The following MECOM variants were observed in gnomAD, a reference collection of about 807,000 sequenced individuals.
MECOM encodes MDS1 and EVI1 complex locus.
A neutral mutation model predicts 116.3 loss-of-function variants in MECOM; 13 were observed. The ratio of observed to expected loss-of-function variants is 0.11; its 90% CI spans 0.07 to 0.18. The LOEUF is 0.18. Among genes scored for constraint, MECOM ranks in the 10% least tolerant of loss-of-function variants. The pLI is 1.00. For synonymous variants in MECOM, 528 were observed against 535.2 expected (o/e 0.99, Z 0.19); for missense variants, 1,299 against 1,509.0 (o/e 0.86, Z 2.31).
chr3:169,620,614 C>T (rs1770591007), intron 1 of MECOM, among the ~76,000 whole-genome samples: 1 of 152,186 alleles, frequency 6.6e-6, no homozygotes, highest in African/African-American at 2.4e-5. Flanking sequence ...CCAAGGTTGT[C>T]TCCATGGGCT....
intron 15 of MECOM, among the ~76,000 whole-genome samples, chr3:169,089,457 G>T (rs892431623): frequency 1.3e-5 from 2 of 152,104 alleles, no homozygotes; most frequent in African/African-American, 2.4e-5. Flanking sequence ...GGCAGAGACA[G>T]AATTCATATA....
chr3:169,482,623 C>G (rs1443053923), intron 1 of MECOM, among the ~76,000 whole-genome samples: 1 of 152,128 alleles, frequency 6.6e-6, no homozygotes, highest in South Asian at 2.1e-4. Context: ...CGTGAGCCAC[C>G]GCGCCCGGCA....
Position 169,090,020 on chromosome 3 carries a change from A to G in MECOM, c.3381T>C (p.Ser1127=). Residue 1127 remains serine, a synonymous_variant, in exon 15 of 17, where the codon AGT becomes AGC. Coordinates refer to ENST00000651503, the MANE Select transcript of MECOM (RefSeq NM_004991.4). ...DYEETSALEM[S]CKTSPVRYKE... is the part of the protein sequence containing the mutation. ...CTCACCTCACTGGGGATGTCTTGCA[A>G]CTCATCTCCAGGGCACTGGTTTCTT... The G allele has an allele frequency of 6.2e-7, 1 of 1,613,252 alleles. No homozygotes were observed. Among genetic ancestry groups the G allele is most frequent in the Non-Finnish European group, 8.5e-7 (1 of 1,179,516 alleles).
chr3:169,425,812 T>C (rs1740563965), intron 1 of MECOM, among the ~76,000 whole-genome samples: 1 of 152,156 alleles, frequency 6.6e-6, no homozygotes, highest in African/African-American at 2.4e-5. Flanking sequence ...TGGAATTCAG[T>C]GCAGCCATAT....
intron 2 of MECOM, among the ~76,000 whole-genome samples, chr3:169,335,895 T>G (rs1723516373): frequency 6.6e-6 from 1 of 152,150 alleles, no homozygotes; most frequent in Non-Finnish European, 1.5e-5. Flanking sequence ...TCATATTATC[T>G]TAATACATTT....
chr3:169,084,707 G>T lies in MECOM; in HGVS notation c.*202C>A. The stretch of plus-strand genomic sequence containing the variant: ...CCAGAAGTCAGCAGCTGCCTTTGCT[G>T]TGCAAAACAAAATATCGAGAATAAA... On this transcript the variant is annotated 3_prime_UTR_variant, in exon 17 of 17. Coordinates refer to ENST00000651503, the MANE Select transcript of MECOM (RefSeq NM_004991.4). The T allele has an allele frequency of 1.8e-6, 1 of 550,846 alleles. No individual in the cohort carries two copies. The highest frequency in any genetic ancestry group is 3.0e-6 in the Non-Finnish European group (1 of 334,838). The allele number at this position is 550,846 out of a possible 1,614,324, so 34.1% of individuals were successfully genotyped here. A position where few individuals can be genotyped will look rare whatever the true frequency, so the allele number is the denominator to read the frequency against.
chr3:169,321,396 T>C (rs1720828819), intron 2 of MECOM, among the ~76,000 whole-genome samples: 1 of 152,010 alleles, frequency 6.6e-6, no homozygotes, highest in African/African-American at 2.4e-5. Context: ...CAAAATTAGC[T>C]GGGCATGGTG....
intron 2 of MECOM, chr3:169,146,179 C>T: frequency 1.8e-6 from 2 of 1,084,476 alleles, no homozygotes; most frequent in Non-Finnish European, 2.3e-6. Flanking sequence ...TAGAGAAAGG[C>T]CCTTTCAAAA....
At chr3:169,472,013 A>G (rs1207754325) in intron 1 of MECOM, among the ~76,000 whole-genome samples, 5 of 152,150 alleles carry the variant, frequency 3.3e-5, no homozygotes, top group Non-Finnish European at 7.4e-5. Flanking sequence ...ATTCTAAAAT[A>G]TAACAAAATC....
At chr3:169,290,440 C>A (rs921917708) in intron 2 of MECOM, among the ~76,000 whole-genome samples, 1 of 151,780 alleles carries the variant, frequency 6.6e-6, no homozygotes, top group Non-Finnish European at 1.5e-5. Context: ...AACCTTTAAA[C>A]GTATATAGAA....
At chr3:169,268,360 C>T (rs990155478) in intron 2 of MECOM, among the ~76,000 whole-genome samples, 15 of 152,180 alleles carry the variant, frequency 9.9e-5, no homozygotes, top group African/African-American at 3.4e-4. Context: ...AGCTTTTTCT[C>T]ACAAGTATCT....
chr3:169,191,097 C>T (rs1032713805), intron 2 of MECOM, among the ~76,000 whole-genome samples: 1 of 151,982 alleles, frequency 6.6e-6, no homozygotes, highest in Non-Finnish European at 1.5e-5. Context: ...GGTAGCTGTG[C>T]TTTATCTGAA....
In MECOM at chr3:169,663,321, G is replaced by A; in HGVS notation, c.37+15C>T. 1.2e-6 allele frequency: 2 copies of A among 1,606,512 alleles called. No homozygotes were observed. On this transcript the variant is annotated intron_variant, in intron 1 of 16. Transcript: ENST00000651503. Reference sequence around the variant, plus strand: ...GGAGGGGGAAAAGCCAATAGAAAAGGGATATTGCACCTACTTGTGGCCAGT... The same window carrying A: ...GGAGGGGGAAAAGCCAATAGAAAAGAGATATTGCACCTACTTGTGGCCAGT...
intron 2 of MECOM, among the ~76,000 whole-genome samples, chr3:169,171,138 C>T (rs775303082): frequency 6.6e-6 from 1 of 152,098 alleles, no homozygotes; most frequent in Non-Finnish European, 1.5e-5. Flanking sequence ...GTTATACATA[C>T]TAATTTTCTA....
intron 1 of MECOM, among the ~76,000 whole-genome samples, chr3:169,662,740 G>T (rs1230995599): frequency 4.6e-5 from 7 of 152,016 alleles, no homozygotes; most frequent in Admixed American, 4.6e-4. Flanking sequence ...AACTTCCAGC[G>T]GCCGCCTCGC....
chr3:169,621,181 C>T (rs1387694777), intron 1 of MECOM, among the ~76,000 whole-genome samples: 1 of 152,166 alleles, frequency 6.6e-6, no homozygotes, highest in Non-Finnish European at 1.5e-5. Flanking sequence ...GTGAATTTTC[C>T]TGTTAATTTG....
chr3:169,484,940 T>A (rs2108876010), intron 1 of MECOM, among the ~76,000 whole-genome samples: 1 of 152,304 alleles, frequency 6.6e-6, no homozygotes, highest in East Asian at 1.9e-4. Flanking sequence ...TAACGGGGCT[T>A]CAAGTGCACC....
chr3:169,617,098 C>A (rs961292001), intron 1 of MECOM, among the ~76,000 whole-genome samples: 1 of 151,956 alleles, frequency 6.6e-6, no homozygotes, highest in African/African-American at 2.4e-5. Flanking sequence ...TTAGTCAAAC[C>A]CAGTATATTT....
chr3:169,296,610 A>C (rs532277789), intron 2 of MECOM, among the ~76,000 whole-genome samples: 1 of 152,336 alleles, frequency 6.6e-6, no homozygotes, highest in African/African-American at 2.4e-5. Context: ...ATTGTTTACC[A>C]GCTTTTCCCA....
Sources: allele counts gnomAD v4.1 joint callset (sites outside exome capture counted in the v4.1 genomes callset), GRCh38; gene constraint gnomAD v4.1.1; transcripts MANE v1.5; gene names NCBI Gene and HGNC (gene_info 2026-07-23, HGNC 2026-07-21).